Variants in SS18L1 observed in about 807,000 individuals in gnomAD.
SS18L1 encodes SS18L1 subunit of BAF chromatin remodeling complex, also known as calcium-responsive transactivator.
A neutral mutation model predicts 70.3 loss-of-function variants in SS18L1; 32 were observed. That is an observed-to-expected ratio of 0.46 (90% CI 0.34 to 0.61). The LOEUF (loss-of-function observed/expected upper bound fraction) is 0.61, where lower values mean the gene tolerates loss of function less well. SS18L1 is among the 20% of genes least tolerant of loss of function. The pLI is 0.01. For synonymous variants in SS18L1, 237 were observed against 229.7 expected, an observed-to-expected ratio of 1.03 and a Z score of -0.29; for missense variants, 430 against 542.1, an observed-to-expected ratio of 0.79 and a Z score of 2.05.
At chr20:62,147,913 A>C (rs2057060357) in intron 1 of SS18L1, among the ~76,000 whole-genome samples, 1 of 152,264 alleles carries the variant, frequency 6.6e-6, no homozygotes, top group East Asian at 1.9e-4. Flanking sequence ...TGGGGTGCAC[A>C]CCCAGTAGGC....
At chr20:62,170,782 C>T (rs1172305954) in intron 8 of SS18L1, among the ~76,000 whole-genome samples, 1 of 152,254 alleles carries the variant, frequency 6.6e-6, no homozygotes, top group Non-Finnish European at 1.5e-5. Flanking sequence ...AGAGCCAGGC[C>T]TGGTCCCTGT....
intron 1 of SS18L1, chr20:62,154,272 C>G (rs1383531736): frequency 1.0e-6 from 1 of 1,000,194 alleles, no homozygotes; most frequent in Non-Finnish European, 1.2e-6. Flanking sequence ...TCTTTGATGA[C>G]TCTGACAGTT....
Position 62,165,483 on chromosome 20 carries a change from C to G in SS18L1, c.885C>G (p.Phe295Leu). The change falls in exon 8 of 11, where the codon TTC becomes TTG. Residue 295 changes from phenylalanine (F) to leucine (L), a missense_variant. Phe to Leu is a conservative substitution (Grantham distance 22). Coordinates refer to ENST00000331758, the MANE Select transcript of SS18L1 (RefSeq NM_198935.3). ...CGGAGCAGAGCTACGACCGGTCCTT[C>G]GAGGAGTCCACGCAGCACTACTATG... ...SYTEQSYDRSFEESTQHYYEG... is the reference protein window; with the variant it reads ...SYTEQSYDRSLEESTQHYYEG... 3 of 1,612,910 alleles carry G rather than the reference C, an allele frequency of 1.9e-6. No homozygotes were observed. Among genetic ancestry groups the G allele is most frequent in the Non-Finnish European group, 2.5e-6 (3 of 1,179,788 alleles).
Position 62,179,723 on chromosome 20 carries a change from T to TGGGGGGGGGGGGGGGGGGGG in SS18L1, c.*518_*519insGGGGGGGGGGGGGGGGGGGG. On this transcript the variant is annotated 3_prime_UTR_variant, in exon 11 of 11. Transcript: ENST00000331758. Reference sequence around the variant, plus strand: ...TCTTCCTGTGCCTCGATGGGGTGGGTGGGAGGGCATCTTCTGTGCGTTGGG... The same window carrying TGGGGGGGGGGGGGGGGGGGG: ...TCTTCCTGTGCCTCGATGGGGTGGGTGGGGGGGGGGGGGGGGGGGGGGGAGGGCATCTTCTGTGCGTTGGG... 1 of 13,688 alleles carries TGGGGGGGGGGGGGGGGGGGG rather than the reference T, an allele frequency of 7.3e-5. No individual in the cohort carries two copies. Among genetic ancestry groups the TGGGGGGGGGGGGGGGGGGGG allele is most frequent in the Non-Finnish European group, 1.4e-4 (1 of 6,960 alleles). The allele number at this position is 13,688 out of a possible 1,614,324, so 0.8% of individuals were successfully genotyped here.
Position 62,162,933 on chromosome 20 carries a change from T to TA in SS18L1, c.556+3dup. On this transcript the variant is annotated splice_region_variant and intron_variant, in intron 5 of 10. Coordinates refer to ENST00000331758, the MANE Select transcript of SS18L1 (RefSeq NM_198935.3). ...ACATCAACATGCAGTCCAACCCAGG[T>TA]ACCTACTCTGCCTCTGCAACCCCGG... The TA allele has an allele frequency of 6.2e-7, 1 of 1,610,306 alleles. No homozygotes were observed. The highest frequency in any genetic ancestry group is 1.7e-5 in the Admixed American group (1 of 59,888).
intron 1 of SS18L1, among the ~76,000 whole-genome samples, chr20:62,144,924 C>G (rs771151567): frequency 6.6e-6 from 1 of 152,222 alleles, no homozygotes; most frequent in Non-Finnish European, 1.5e-5. Flanking sequence ...CCGCTTGTCT[C>G]CCTAAGGGGG....
At chr20:62,160,359 G>GGGAGAGGTGGGGAGA (rs1459156988) in intron 3 of SS18L1, among the ~76,000 whole-genome samples, 1 of 94,484 alleles carries the variant, frequency 1.1e-5, no homozygotes. Flanking sequence ...GAGAGAGGTG[G>GGGAGAGGTGGGGAGA]GATGGGGAGA....
chr20:62,163,698 T>C, intron 6 of SS18L1, 76 bp downstream of exon 6: 1 of 1,445,408 alleles, frequency 6.9e-7, no homozygotes, highest in Non-Finnish European at 9.1e-7. Flanking sequence ...TGTGTGCTTC[T>C]CTTCGGGGAG....
intron 10 of SS18L1, among the ~76,000 whole-genome samples, chr20:62,175,681 A>G (rs1030600607): frequency 6.6e-6 from 1 of 152,210 alleles, no homozygotes; most frequent in Non-Finnish European, 1.5e-5. Flanking sequence ...AAAGCACTAC[A>G]TCGCTCAAGT....
intron 10 of SS18L1, among the ~76,000 whole-genome samples, chr20:62,175,673 A>C (rs1004637326): frequency 1.3e-5 from 2 of 152,230 alleles, no homozygotes; most frequent in African/African-American, 4.8e-5. Context: ...GAAATTTCAA[A>C]GCACTACATC....
chr20:62,167,976 T>C lies in SS18L1; in HGVS notation c.916+2462T>C, dbSNP rs536048420. 3.2e-4 allele frequency among the ~76,000 whole-genome samples: 44 copies of C among 139,206 alleles called. 1 individual carries two copies. Among genetic ancestry groups the C allele is most frequent in the African/African-American group, 1.2e-3 (42 of 33,784 alleles). 91.3% of individuals were successfully genotyped at this position (139,206 alleles called of 152,430 possible). A position where few individuals can be genotyped will look rare whatever the true frequency, so the allele number is the denominator to read the frequency against. On this transcript the variant is annotated intron_variant, in intron 8 of 10. Coordinates refer to ENST00000331758, the MANE Select transcript of SS18L1 (RefSeq NM_198935.3). ...GACTAAAGGCATGCACCACCAGGCCTGGCTTTTTTTTTTTTTTTTTTTTTT... is the reference window on the plus strand; with the variant it reads ...GACTAAAGGCATGCACCACCAGGCCCGGCTTTTTTTTTTTTTTTTTTTTTT...
Position 62,174,589 on chromosome 20 carries a change from G to A in SS18L1, c.1109G>A (p.Arg370Gln), listed in dbSNP as rs780515269. 1 of 1,613,762 alleles carries A rather than the reference G, an allele frequency of 6.2e-7. No individual in the cohort carries two copies. The change falls in exon 10 of 11, where the codon CGA becomes CAA. Residue 370 changes from arginine to glutamine, a missense_variant. Arg to Gln is a conservative substitution (Grantham distance 43, BLOSUM62 1). Coordinates refer to ENST00000331758, the MANE Select transcript of SS18L1 (RefSeq NM_198935.3). This position sits in a 1 kb window ranked among gnomAD's most constrained non-coding sequence, Gnocchi z 4.1. ...QGQGQQYGSY[R>Q]APQTAPSAQQ... The stretch of plus-strand genomic sequence containing the variant: ...CAAGGCCAGCAGTACGGAAGCTACC[G>A]AGCACCGCAGACAGCGCCGTCTGCC...
rs765137024 is a variant in SS18L1 at position 62,158,674 on chromosome 20, G to A, written c.72G>A (p.Met24Ile). 3 of 1,612,466 alleles carry A rather than the reference G, an allele frequency of 1.9e-6. No individual in the cohort carries two copies. Among genetic ancestry groups the A allele is most frequent in the Non-Finnish European group, 2.5e-6 (3 of 1,179,984 alleles). ...GEVTQQTIQK[M>I]LDENHHLIQC... is the part of the protein sequence containing the mutation. ...GCCCGCTCACGCTCTCTCCGCAGAT[G>A]CTGGACGAGAACCACCACCTGATCC... Residue 24 changes from methionine (M) to isoleucine (I), a missense_variant and splice_region_variant, in exon 2 of 11, where the codon ATG becomes ATA. Transcript: ENST00000331758. This position sits in a 1 kb window ranked among gnomAD's most constrained non-coding sequence, Gnocchi z 4.5.
rs59638414 is a variant in SS18L1 at position 62,174,017 on chromosome 20, TAAAA to T, written c.1037-486_1037-483del. ...TTGGGTGACAGAGTGACACCCTGCC[TAAAA>T]AAAAAAAAAAAAATTGGCCTCTATC... On this transcript the variant is annotated intron_variant, in intron 9 of 10. Transcript: ENST00000331758. The surrounding 1 kb of genome is among the most constrained non-coding windows in gnomAD (Gnocchi z 4.1). Among the ~76,000 whole-genome samples, 1 of 133,820 alleles carries T rather than the reference TAAAA, an allele frequency of 7.5e-6. No individual in the cohort carries two copies. Among genetic ancestry groups the T allele is most frequent in the Non-Finnish European group, 1.6e-5 (1 of 60,946 alleles). The allele number at this position is 133,820 out of a possible 152,430, so 87.8% of individuals were successfully genotyped here.
At chr20:62,171,853 TA>T (rs1277973481) in intron 8 of SS18L1, among the ~76,000 whole-genome samples, 1 of 151,618 alleles carries the variant, frequency 6.6e-6, no homozygotes, top group Non-Finnish European at 1.5e-5. Flanking sequence ...ACCCTGTCTC[TA>T]CAAAAGATTT....
chr20:62,144,079 G>T (rs988398507), intron 1 of SS18L1, among the ~76,000 whole-genome samples, 190 bp downstream of exon 1: 15 of 149,620 alleles, frequency 1.0e-4, no homozygotes, highest in Non-Finnish European at 1.2e-4. Flanking sequence ...GCACCCGGCC[G>T]TGTGGGGGGC....
intron 10 of SS18L1, among the ~76,000 whole-genome samples, chr20:62,178,121 G>A (rs2057651873): frequency 6.8e-6 from 1 of 146,250 alleles, no homozygotes; most frequent in Non-Finnish European, 1.5e-5. Context: ...CGGGGCATGC[G>A]CCACAACATG....
intron 8 of SS18L1, among the ~76,000 whole-genome samples, chr20:62,172,313 C>T (rs1052930782): frequency 2.0e-5 from 3 of 148,870 alleles, no homozygotes; most frequent in Admixed American, 6.7e-5. Context: ...GGTCCCAGAG[C>T]GAGGCCCTGT....
At position 62,158,987 on chromosome 20, in the gene SS18L1, T is replaced by C. The variant is rs1397908392; in HGVS notation, c.146+239T>C. The C allele has an allele frequency of 3.3e-6, 5 of 1,528,194 alleles. No individual in the cohort carries two copies. Among genetic ancestry groups the C allele is most frequent in the South Asian group, 1.1e-5 (1 of 89,232 alleles). 94.7% of individuals were successfully genotyped at this position (1,528,194 alleles called of 1,614,324 possible). On this transcript the variant is annotated intron_variant, in intron 2 of 10. Transcript: ENST00000331758. This position sits in a 1 kb window ranked among gnomAD's most constrained non-coding sequence, Gnocchi z 4.5. ...TCCCCCAGCACGGAGGCCAGATATG[T>C]CCCGAGAGTCCCCCAGCACGGAGGC...
Sources: gnomAD v4.1 joint callset for allele counts (sites outside exome capture counted in the v4.1 genomes callset) on GRCh38, gnomAD v4.1.1 for gene constraint, Gnocchi (gnomAD v3.1) non-coding constraint, MANE v1.5 for transcripts, NCBI Gene and HGNC (gene_info 2026-07-23, HGNC 2026-07-21) for gene names.